POTEH: variants seen among roughly 807,000 people sequenced by gnomAD.
The protein encoded by POTEH is POTE ankyrin domain family member H.
POTEH carries 6 observed loss-of-function variants against 41.7 expected under a neutral mutation model. That is an observed-to-expected ratio of 0.14 (90% CI 0.08 to 0.28). POTEH has a LOEUF of 0.28. POTEH is among the 10% of genes least tolerant of loss of function. The pLI is 1.00. For missense variants in POTEH, 115 were observed against 533.5 expected (o/e 0.22, Z 7.73); for synonymous variants, 38 against 179.9 (o/e 0.21, Z 6.31).
At chr22:15,717,311 C>T (rs1989927001) in intron 9 of POTEH, among the ~76,000 whole-genome samples, 1 of 93,000 alleles carries the variant, frequency 1.1e-5, no homozygotes, top group African/African-American at 3.3e-5. Flanking sequence ...GTGTAGCTAT[C>T]CAGAAATGAG....
chr22:15,696,420 CATTT>C (rs1487836493), intron 3 of POTEH, among the ~76,000 whole-genome samples: 2 of 144,968 alleles, frequency 1.4e-5, no homozygotes, highest in Admixed American at 6.9e-5. Flanking sequence ...TGTTGTTGTT[CATTT>C]ATTTATTTCC....
intron 1 of POTEH, among the ~76,000 whole-genome samples, chr22:15,694,469 G>GA (rs1362038361): frequency 2.2e-5 from 2 of 92,078 alleles, no homozygotes; most frequent in African/African-American, 3.5e-5. Flanking sequence ...TCTAAGTATT[G>GA]AAAAAAATGA....
chr22:15,721,589 G>GCATATAATGCA lies in POTEH; in HGVS notation c.*305_*306insCATATAATGCA. 3 of 1,521,160 alleles carry GCATATAATGCA rather than the reference G, an allele frequency of 2.0e-6. No individual in the cohort carries two copies. The highest frequency in any genetic ancestry group is 2.7e-6 in the Non-Finnish European group (3 of 1,125,542). 94.2% of individuals were successfully genotyped at this position (1,521,160 alleles called of 1,614,324 possible). ...CCCCCGGGCTGTCTTCCCTTCCATCGTGGGGTGCCCCAGGCACCAGAACAT... is the reference window on the plus strand; with the variant it reads ...CCCCCGGGCTGTCTTCCCTTCCATCGCATATAATGCATGGGGTGCCCCAGGCACCAGAACAT... On this transcript the variant is annotated 3_prime_UTR_variant, in exon 11 of 11. Transcript: ENST00000343518.
At chr22:15,703,563 T>A (rs1477984013) in intron 6 of POTEH, among the ~76,000 whole-genome samples, 1 of 135,082 alleles carries the variant, frequency 7.4e-6, no homozygotes, top group Non-Finnish European at 1.6e-5. Flanking sequence ...CTGCTACCAT[T>A]TGCCAAAAGA....
intron 7 of POTEH, among the ~76,000 whole-genome samples, chr22:15,708,798 T>C (rs1313050768): frequency 1.6e-5 from 1 of 62,394 alleles, no homozygotes; most frequent in Non-Finnish European, 3.0e-5. Flanking sequence ...ATGAAGAATG[T>C]AACATCAATT....
intron 9 of POTEH, among the ~76,000 whole-genome samples, chr22:15,711,708 G>T (rs1377381090): frequency 6.6e-6 from 1 of 151,262 alleles, no homozygotes; most frequent in African/African-American, 2.4e-5. Context: ...TATTTGTGTA[G>T]ATATGTTACA....
chr22:15,717,388 A>T (rs1989928177), intron 9 of POTEH, among the ~76,000 whole-genome samples: 1 of 92,976 alleles, frequency 1.1e-5, no homozygotes, highest in Non-Finnish European at 2.4e-5. Flanking sequence ...TTGTCCATAG[A>T]TTTGTATGAA....
intron 6 of POTEH, among the ~76,000 whole-genome samples, chr22:15,705,353 C>CTTT (rs377062560): frequency 7.0e-3 from 100 of 14,210 alleles, no homozygotes; most frequent in African/African-American, 0.015. Flanking sequence ...ATATGTTGGC[C>CTTT]TTTTTTTTTT....
In POTEH at chr22:15,690,717, G is replaced by T. The variant is rs368162716; in HGVS notation, c.632+8G>T. The T allele has an allele frequency of 1.5e-4, 212 of 1,403,796 alleles. 7 individuals are homozygous for T. The African/African-American group carries it at 2.9e-3, about 19-fold the overall frequency. The allele number at this position is 1,403,796 out of a possible 1,614,324, so 87.0% of individuals were successfully genotyped here. ...GAAGGACAAGCAAAAGAGGTAACCA[G>T]GCCTGGGCTGGGAGGAGGTGGGATG... On this transcript the variant is annotated splice_region_variant and intron_variant, in intron 1 of 10. Transcript: ENST00000343518.
intron 9 of POTEH, among the ~76,000 whole-genome samples, chr22:15,712,780 A>G: frequency 7.6e-6 from 1 of 131,140 alleles, no homozygotes; most frequent in Non-Finnish European, 1.6e-5. Flanking sequence ...TACTTTGTAT[A>G]TTTGATGAGT....
intron 6 of POTEH, among the ~76,000 whole-genome samples, chr22:15,705,353 C>CTTTTTTTTTTTTTTTTTTTTTTTGTGT (rs377062560): frequency 7.0e-5 from 1 of 14,296 alleles, no homozygotes; most frequent in Non-Finnish European, 1.2e-4. Flanking sequence ...ATATGTTGGC[C>CTTTTTTTTTTTTTTTTTTTTTTTGTGT]TTTTTTTTTT....
At chr22:15,717,709 G>C (rs1196198377) in intron 9 of POTEH, among the ~76,000 whole-genome samples, 3 of 152,102 alleles carry the variant, frequency 2.0e-5, no homozygotes, top group African/African-American at 7.2e-5. Context: ...TCCTTTGTTA[G>C]ATTCATAATT....
In POTEH at chr22:15,690,154, A is replaced by G; in HGVS notation, c.77A>G (p.Lys26Arg). 4.3e-6 allele frequency: 6 copies of G among 1,385,504 alleles called. No individual in the cohort carries two copies. Among genetic ancestry groups the G allele is most frequent in the Non-Finnish European group, 6.0e-6 (6 of 996,994 alleles). The allele number at this position is 1,385,504 out of a possible 1,614,324, so 85.8% of individuals were successfully genotyped here. Residue 26 changes from lysine to arginine, a missense_variant, in exon 1 of 11, where the codon AAG becomes AGG. By Grantham distance (26) the Lys-to-Arg change is conservative. Coordinates refer to ENST00000343518, the MANE Select transcript of POTEH (RefSeq NM_001136213.1). ...KPFGLRSKMG[K>R]WCRHCFAWCR... Reference sequence around the variant, plus strand: ...TTTGGTCTCAGAAGCAAGATGGGCAAGTGGTGCCGCCACTGCTTCGCCTGG... The same window carrying G: ...TTTGGTCTCAGAAGCAAGATGGGCAGGTGGTGCCGCCACTGCTTCGCCTGG...
intron 9 of POTEH, among the ~76,000 whole-genome samples, chr22:15,713,222 G>T (rs1340295944): frequency 6.6e-6 from 1 of 152,236 alleles, no homozygotes; most frequent in Non-Finnish European, 1.5e-5. Context: ...CTCCTCCAGA[G>T]TTGTTTTTCT....
In POTEH at chr22:15,690,234, G is replaced by T. The variant is rs754645789; in HGVS notation, c.157G>T (p.Ala53Ser). The change falls in exon 1 of 11, where the codon GCT becomes TCT. Residue 53 changes from alanine to serine, a missense_variant. Coordinates refer to ENST00000343518, the MANE Select transcript of POTEH (RefSeq NM_001136213.1). ...VGTSGDHDDS[A>S]MKTLRSKMGK... Reference sequence around the variant, plus strand: ...CACTTCTGGAGACCACGACGATTCTGCTATGAAGACACTCAGGAGCAAGAT... The same window carrying T: ...CACTTCTGGAGACCACGACGATTCTTCTATGAAGACACTCAGGAGCAAGAT... 1.4e-6 allele frequency: 2 copies of T among 1,406,580 alleles called. No individual in the cohort carries two copies. The highest frequency in any genetic ancestry group is 2.0e-6 in the Non-Finnish European group (2 of 1,018,108). The allele number at this position is 1,406,580 out of a possible 1,614,324, so 87.1% of individuals were successfully genotyped here.
intron 10 of POTEH, among the ~76,000 whole-genome samples, chr22:15,720,416 CAAAT>C (rs1485719763): frequency 8.6e-6 from 1 of 116,956 alleles, no homozygotes; most frequent in Non-Finnish European, 1.7e-5. Context: ...ATCACAATGA[CAAAT>C]AATCTCATGA....
At chr22:15,714,609 C>A (rs1451138572) in intron 9 of POTEH, among the ~76,000 whole-genome samples, 4 of 151,838 alleles carry the variant, frequency 2.6e-5, no homozygotes, top group African/African-American at 9.7e-5. Flanking sequence ...TTACTGTTTC[C>A]ATTACTTCAG....
chr22:15,709,620 AATT>A (rs1298403806), intron 7 of POTEH, among the ~76,000 whole-genome samples, 159 bp from the exon 8 acceptor site: 8 of 67,160 alleles, frequency 1.2e-4, no homozygotes, highest in Non-Finnish European at 1.8e-4. Context: ...TCTTAATTTT[AATT>A]ATTATTTATT....
intron 1 of POTEH, among the ~76,000 whole-genome samples, chr22:15,691,521 G>A (rs141944226): frequency 4.6e-4 from 42 of 90,386 alleles, no homozygotes; most frequent in South Asian, 2.1e-3. Flanking sequence ...GCAAGACTCC[G>A]TCTCAAAAAA....
Sources: allele counts gnomAD v4.1 joint callset (sites outside exome capture counted in the v4.1 genomes callset), GRCh38; gene constraint gnomAD v4.1.1; transcripts MANE v1.5; gene names NCBI Gene and HGNC (gene_info 2026-07-23, HGNC 2026-07-21).